N4BP2: variants seen among roughly 807,000 people sequenced by gnomAD.
The protein encoded by N4BP2 is NEDD4-binding protein 2.
A neutral mutation model predicts 152.8 loss-of-function variants in N4BP2; 91 were observed. The observed-to-expected ratio is 0.60, with a 90% confidence interval of 0.50 to 0.71. N4BP2 has a LOEUF of 0.71. Among genes scored for constraint, N4BP2 ranks in the 30% least tolerant of loss-of-function variants. The pLI is 0.00. For synonymous variants in N4BP2, 646 were observed against 705.3 expected (o/e 0.92, Z 1.33); for missense variants, 1,923 against 2,059.1 (o/e 0.93, Z 1.28).
intron 16 of N4BP2, among the ~76,000 whole-genome samples, chr4:40,147,518 C>G (rs576300717): frequency 6.7e-6 from 1 of 149,376 alleles, no homozygotes; most frequent in Non-Finnish European, 1.5e-5. Flanking sequence ...ACCTCCCGGA[C>G]GGGGCGGCTG....
the N4BP2 span, among the ~76,000 whole-genome samples, chr4:40,171,583 A>G: frequency 1.3e-5 from 2 of 152,158 alleles, no homozygotes; most frequent in South Asian, 2.1e-4. Context: ...AATTGGAGGT[A>G]TTCTTTACAG....
In N4BP2 at chr4:40,120,919, A is replaced by G; in HGVS notation, c.2808A>G (p.Gln936=). 3 of 1,614,148 alleles carry G rather than the reference A, an allele frequency of 1.9e-6. No individual in the cohort carries two copies. In the Admixed American group the frequency reaches 5.0e-5, roughly 27 times the overall value. The part of the protein sequence containing the change: ...AHEACWGTSS[Q]KLKTLGSSNL... ...AGGCCTGTTGGGGCACAAGCTCTCA[A>G]AAACTAAAGACATTGGGTAGCTCCA... The change falls in exon 9 of 18, where the codon CAA becomes CAG. Residue 936 remains glutamine, a synonymous_variant. Coordinates refer to ENST00000261435, the MANE Select transcript of N4BP2 (RefSeq NM_018177.6).
chr4:40,133,659 T>C (rs1489918154), intron 13 of N4BP2, among the ~76,000 whole-genome samples: 2 of 152,176 alleles, frequency 1.3e-5, no homozygotes, highest in African/African-American at 4.8e-5. Context: ...TATAAAAACA[T>C]GAGTGAATTT....
chr4:40,113,582 T>G (rs765904431), intron 7 of N4BP2, 74 bp downstream of exon 7: 51 of 985,428 alleles, frequency 5.2e-5, no homozygotes, highest in Non-Finnish European at 7.8e-5. Flanking sequence ...ATTTTTCCCC[T>G]TGTAAATGAT....
chr4:40,143,979 AG>A (rs1481329905), intron 15 of N4BP2, among the ~76,000 whole-genome samples: 1 of 152,140 alleles, frequency 6.6e-6, no homozygotes, highest in African/African-American at 2.4e-5. Context: ...CATAGCTTAA[AG>A]CCAGGAGTGT....
At chr4:40,072,729 CTT>C (rs748731332) in intron 1 of N4BP2, among the ~76,000 whole-genome samples, 10 of 139,658 alleles carry the variant, frequency 7.2e-5, no homozygotes, top group African/African-American at 1.0e-4. Context: ...TTTTGTGGGA[CTT>C]TTTTTTTTTT....
chr4:40,135,070 G>A (rs1003093255), intron 13 of N4BP2, among the ~76,000 whole-genome samples: 1 of 149,162 alleles, frequency 6.7e-6, no homozygotes, highest in Admixed American at 6.7e-5. Context: ...CTAGCATTAG[G>A]TATATCTCCC....
chr4:40,164,623 A>T, the N4BP2 span, among the ~76,000 whole-genome samples: 1 of 152,180 alleles, frequency 6.6e-6, no homozygotes, highest in African/African-American at 2.4e-5. Context: ...ATCTGTTTTA[A>T]TCTGCTGCTT....
At chr4:40,152,542 A>C (rs1388288388) in intron 16 of N4BP2, among the ~76,000 whole-genome samples, 1 of 152,198 alleles carries the variant, frequency 6.6e-6, no homozygotes, top group Non-Finnish European at 1.5e-5. Context: ...AAGAAGTCCC[A>C]CCAAATCTTT....
chr4:40,182,816 AC>A, the N4BP2 span, among the ~76,000 whole-genome samples: 43 of 152,028 alleles, frequency 2.8e-4, no homozygotes, highest in Non-Finnish European at 5.1e-4. Context: ...AGCTGGGATT[AC>A]AGGCACCTGT....
At chr4:40,112,042 T>G in intron 5 of N4BP2, 42 bp from the exon 6 acceptor site, 3 of 1,047,634 alleles carry the variant, frequency 2.9e-6, no homozygotes, top group Non-Finnish European at 2.9e-6. Flanking sequence ...TAATACTTAG[T>G]ATTGTTTAAA....
chr4:40,123,257 T>A, intron 10 of N4BP2, 45 bp downstream of exon 10: 1 of 1,320,834 alleles, frequency 7.6e-7, no homozygotes, highest in East Asian at 2.3e-5. Flanking sequence ...TTGTCCATTT[T>A]GAACCTTTGA....
At chr4:40,079,111 G>A (rs1278054564) in intron 2 of N4BP2, among the ~76,000 whole-genome samples, 2 of 151,612 alleles carry the variant, frequency 1.3e-5, no homozygotes, top group Admixed American at 6.6e-5. Flanking sequence ...TGGTAGAGAT[G>A]GGGTTTTACC....
the N4BP2 span, among the ~76,000 whole-genome samples, chr4:40,188,488 C>T: frequency 1.2e-3 from 177 of 152,054 alleles, no homozygotes; most frequent in African/African-American, 4.0e-3. Context: ...CTCACACCTG[C>T]AATCCCAGCA....
At chr4:40,171,090 T>C in the N4BP2 span, among the ~76,000 whole-genome samples, 1 of 152,352 alleles carries the variant, frequency 6.6e-6, no homozygotes, top group African/African-American at 2.4e-5. Context: ...ATCAGTTATA[T>C]TGGAGTTTGG....
the N4BP2 span, among the ~76,000 whole-genome samples, chr4:40,168,035 G>C: frequency 1.3e-5 from 2 of 152,026 alleles, no homozygotes; most frequent in Non-Finnish European, 2.9e-5. Context: ...ATATGTGTTT[G>C]ATGATGTGTA....
chr4:40,167,086 A>G, the N4BP2 span: 23 of 152,342 alleles, frequency 1.5e-4, no homozygotes, highest in African/African-American at 5.1e-4. Context: ...GCTGCCTTCT[A>G]GTACCAAATG....
chr4:40,066,889 G>T (rs1217891497), intron 1 of N4BP2, among the ~76,000 whole-genome samples: 1 of 151,858 alleles, frequency 6.6e-6, no homozygotes, highest in South Asian at 2.1e-4. Flanking sequence ...TGGCAACCAC[G>T]ATTCTACTTT....
At chr4:40,176,256 TAAA>T in the N4BP2 span, among the ~76,000 whole-genome samples, 3 of 152,290 alleles carry the variant, frequency 2.0e-5, no homozygotes, top group East Asian at 1.9e-4. Context: ...TTTTGCAAGA[TAAA>T]AAAGTTAAAC....
Sources: allele counts gnomAD v4.1 joint callset (sites outside exome capture counted in the v4.1 genomes callset), GRCh38; gene constraint gnomAD v4.1.1; transcripts MANE v1.5; gene names NCBI Gene and HGNC (gene_info 2026-07-23, HGNC 2026-07-21).